TMEM272: variants seen among roughly 807,000 people sequenced by gnomAD.
The protein encoded by TMEM272 is long intergenic non-protein coding RNA 282.
In TMEM272, 8 loss-of-function variants were observed where a neutral mutation model predicts 3.7. That is an observed-to-expected ratio of 2.17 (90% CI 1.27 to 3.91). The LOEUF is 3.91. Ranked by LOEUF, TMEM272 falls within the 30% of genes most tolerant of loss-of-function variation. The pLI is 0.00. For synonymous variants in TMEM272, 63 were observed against 39.8 expected (o/e 1.58, Z -2.20); for missense variants, 166 against 91.5 (o/e 1.81, Z -3.32).
chr13:51,853,997 A>G, the TMEM272 span, among the ~76,000 whole-genome samples: 1 of 152,230 alleles, frequency 6.6e-6, no homozygotes, highest in South Asian at 2.1e-4. Context: ...TTTTAAAATA[A>G]TAGCATTGAA....
At chr13:51,909,007 C>A in the TMEM272 span, 2 of 1,462,606 alleles carry the variant, frequency 1.4e-6, no homozygotes, top group South Asian at 2.3e-5. Flanking sequence ...AGTGGACCCT[C>A]CAACAAAGTC....
upstream of TMEM272, among the ~76,000 whole-genome samples, chr13:51,845,533 T>TA (rs1179268143): frequency 7.9e-5 from 12 of 151,910 alleles, no homozygotes; most frequent in African/African-American, 2.9e-4. Context: ...AGAGGTGCCC[T>TA]ATGGACTTCA....
chr13:51,855,226 T>C, the TMEM272 span, among the ~76,000 whole-genome samples: 2 of 152,208 alleles, frequency 1.3e-5, no homozygotes, highest in African/African-American at 4.8e-5. Context: ...AAGCTTTTGT[T>C]TGAAGAAAGG....
intron 2 of TMEM272, among the ~76,000 whole-genome samples, chr13:51,831,105 T>A (rs1214227710): frequency 6.6e-6 from 1 of 152,150 alleles, no homozygotes; most frequent in East Asian, 1.9e-4. Context: ...TCAGTACAAA[T>A]GGCGCCTGGA....
the TMEM272 span, among the ~76,000 whole-genome samples, chr13:51,869,491 AT>A: frequency 0.02 from 2,852 of 142,742 alleles, 78 homozygotes; most frequent in African/African-American, 0.066. Flanking sequence ...CAATTCAGTA[AT>A]TTTTTTTTTT....
At chr13:51,886,536 T>A in the TMEM272 span, among the ~76,000 whole-genome samples, 3 of 152,212 alleles carry the variant, frequency 2.0e-5, no homozygotes, top group East Asian at 5.8e-4. Flanking sequence ...AACCAGGCAG[T>A]CTATCTCTAG....
At chr13:51,872,885 G>GT in the TMEM272 span, among the ~76,000 whole-genome samples, 2 of 152,186 alleles carry the variant, frequency 1.3e-5, no homozygotes, top group African/African-American at 4.8e-5. Context: ...GAATAAAGGC[G>GT]TTTTTCAGGC....
In TMEM272 at chr13:51,816,871, G is replaced by A. The variant is rs1356764598; in HGVS notation, c.444C>T (p.Thr148=). Residue 148 remains threonine (T), a synonymous_variant, in exon 5 of 5, where the codon ACC becomes ACT. Coordinates refer to ENST00000629372, the MANE Select transcript of TMEM272 (RefSeq NM_001351003.2). ...GGACTCCGACTGCAAAGAGGTACAGGGTTTTGTCACAGTAGTCCTGAGGCT... is the reference window on the plus strand; with the variant it reads ...GGACTCCGACTGCAAAGAGGTACAGAGTTTTGTCACAGTAGTCCTGAGGCT... The part of the protein sequence containing the change: ...FQQPQDYCDK[T]LYLFAVGVLA... 7 of 702,858 alleles carry A rather than the reference G, an allele frequency of 1.0e-5. No individual in the cohort carries two copies. Among genetic ancestry groups the A allele is most frequent in the African/African-American group, 1.7e-5 (1 of 57,222 alleles). 43.5% of individuals were successfully genotyped at this position (702,858 alleles called of 1,614,324 possible).
At chr13:51,886,581 TTAAA>T in the TMEM272 span, among the ~76,000 whole-genome samples, 1 of 152,236 alleles carries the variant, frequency 6.6e-6, no homozygotes, top group Non-Finnish European at 1.5e-5. Context: ...TGTTGGTGTC[TTAAA>T]TAAAGATTAT....
chr13:51,900,568 A>C, the TMEM272 span, among the ~76,000 whole-genome samples: 2 of 152,214 alleles, frequency 1.3e-5, no homozygotes, highest in Non-Finnish European at 2.9e-5. Flanking sequence ...GTTAATGTAA[A>C]GATACAGTTA....
intron 4 of TMEM272, among the ~76,000 whole-genome samples, chr13:51,821,668 C>CAAAA (rs386379191): frequency 1.1e-3 from 32 of 28,530 alleles, no homozygotes; most frequent in African/African-American, 2.5e-3. Flanking sequence ...TTTTTTTCCT[C>CAAAA]AAAAAAAAAA....
At chr13:51,864,495 C>T in the TMEM272 span, among the ~76,000 whole-genome samples, 1 of 152,314 alleles carries the variant, frequency 6.6e-6, no homozygotes, top group South Asian at 2.1e-4. Flanking sequence ...TTCCCTGATC[C>T]TGCTTCTCTC....
upstream of TMEM272, among the ~76,000 whole-genome samples, chr13:51,848,544 C>G (rs1956317458): frequency 6.6e-6 from 1 of 152,096 alleles, no homozygotes; most frequent in Non-Finnish European, 1.5e-5. Context: ...TGACTCCAAG[C>G]CAGATACTGT....
chr13:51,842,155 A>G (rs1164924068), intron 1 of TMEM272, among the ~76,000 whole-genome samples: 5 of 152,208 alleles, frequency 3.3e-5, no homozygotes, highest in South Asian at 2.1e-4. Context: ...ACTGTTCCCT[A>G]TGAAGGCAGG....
the TMEM272 span, among the ~76,000 whole-genome samples, chr13:51,885,022 C>T: frequency 1.4e-3 from 220 of 152,260 alleles, 4 homozygotes; most frequent in East Asian, 0.04. Flanking sequence ...GTGGTTGGTG[C>T]CATGATTTGT....
At chr13:51,837,329 C>T (rs1161295014) in intron 2 of TMEM272, among the ~76,000 whole-genome samples, 2 of 152,158 alleles carry the variant, frequency 1.3e-5, no homozygotes, top group Admixed American at 6.6e-5. Context: ...TGTAGAGCAA[C>T]AATATAGCTG....
the TMEM272 span, among the ~76,000 whole-genome samples, chr13:51,913,630 C>T: frequency 6.6e-6 from 1 of 152,146 alleles, no homozygotes; most frequent in Admixed American, 6.5e-5. Context: ...GGCAGCACCA[C>T]CTAGAGTCTG....
chr13:51,915,527 G>T, the TMEM272 span, among the ~76,000 whole-genome samples: 2 of 152,350 alleles, frequency 1.3e-5, no homozygotes, highest in African/African-American at 2.4e-5. Context: ...CTCCAGAGTA[G>T]CTTTGAACTC....
chr13:51,849,549 A>T (rs1231353881), upstream of TMEM272, among the ~76,000 whole-genome samples: 1 of 152,236 alleles, frequency 6.6e-6, no homozygotes, highest in Admixed American at 6.5e-5. Context: ...GGGGGAGTCA[A>T]GGCCTAACAT....
Sources: allele counts gnomAD v4.1 joint callset (sites outside exome capture counted in the v4.1 genomes callset), GRCh38; gene constraint gnomAD v4.1.1; transcripts MANE v1.5; gene names NCBI Gene and HGNC (gene_info 2026-07-23, HGNC 2026-07-21).